Variants in GPR39 observed in about 807,000 individuals in gnomAD.
GPR39 encodes zinc sensing receptor.
A neutral mutation model predicts 18.4 loss-of-function variants in GPR39; 23 were observed. The ratio of observed to expected loss-of-function variants is 1.25; its 90% CI spans 0.90 to 1.77. The LOEUF (loss-of-function observed/expected upper bound fraction) is 1.77. GPR39 is among the 40% of genes most tolerant of loss of function. The pLI, the probability that GPR39 is intolerant of heterozygous loss-of-function variation, is 0.00. For missense variants in GPR39, 647 were observed against 602.4 expected (o/e 1.07, Z -0.78); for synonymous variants, 280 against 257.9 (o/e 1.09, Z -0.82).
chr2:132,560,816 T>C (rs1241768086), intron 1 of GPR39, among the ~76,000 whole-genome samples: 1 of 152,228 alleles, frequency 6.6e-6, no homozygotes, highest in Non-Finnish European at 1.5e-5. Flanking sequence ...TCTATGCTGT[T>C]GACTCAGGAA....
chr2:132,445,886 G>A (rs556118088), intron 1 of GPR39, among the ~76,000 whole-genome samples: 15 of 152,152 alleles, frequency 9.9e-5, no homozygotes, highest in African/African-American at 2.7e-4. Flanking sequence ...GGTCACCAGC[G>A]GGCTCAGGAG....
At chr2:132,548,540 G>T (rs553547924) in intron 1 of GPR39, among the ~76,000 whole-genome samples, 1 of 152,312 alleles carries the variant, frequency 6.6e-6, no homozygotes, top group African/African-American at 2.4e-5. Flanking sequence ...GCACCATTTA[G>T]AAAACAATCA....
chr2:132,535,695 C>CTTTTTTTTTTTTTTTTTT lies in GPR39; in HGVS notation c.857-109395_857-109394insTTTTTTTTTTTTTTTTTT, dbSNP rs753801511. On this transcript the variant is annotated intron_variant, in intron 1 of 1. Coordinates refer to ENST00000329321, the MANE Select transcript of GPR39 (RefSeq NM_001508.3). ...GGCTGTGAATCCATCTGGTCCTGGGCTTTTTTTTTTTGGTTGGTAGGCTAT... is the reference window on the plus strand; with the variant it reads ...GGCTGTGAATCCATCTGGTCCTGGGCTTTTTTTTTTTTTTTTTTTTTTTTTTTTTGGTTGGTAGGCTAT... Among the ~76,000 whole-genome samples, 326 of 96,282 alleles carry CTTTTTTTTTTTTTTTTTT rather than the reference C, an allele frequency of 3.4e-3. 29 individuals carry two copies. Among genetic ancestry groups the CTTTTTTTTTTTTTTTTTT allele is most frequent in the African/African-American group, 0.01 (260 of 25,184 alleles). 63.2% of individuals were successfully genotyped at this position (96,282 alleles called of 152,430 possible).
At chr2:132,613,832 T>G (rs905811734) in intron 1 of GPR39, among the ~76,000 whole-genome samples, 38 of 152,224 alleles carry the variant, frequency 2.5e-4, no homozygotes, top group African/African-American at 8.2e-4. Context: ...CACAAAGTCC[T>G]CAAGGGCAAA....
intron 1 of GPR39, among the ~76,000 whole-genome samples, chr2:132,419,420 C>G (rs911367108): frequency 6.6e-6 from 1 of 152,158 alleles, no homozygotes; most frequent in Non-Finnish European, 1.5e-5. Context: ...CTTTCACAGG[C>G]GTGTGGTGAA....
At chr2:132,571,470 A>G (rs775872892) in intron 1 of GPR39, among the ~76,000 whole-genome samples, 1 of 152,212 alleles carries the variant, frequency 6.6e-6, no homozygotes, top group Non-Finnish European at 1.5e-5. Context: ...ACCCATCTCA[A>G]GGTCCTAGAA....
chr2:132,492,572 CAT>C (rs543084794), intron 1 of GPR39, among the ~76,000 whole-genome samples: 11 of 125,932 alleles, frequency 8.7e-5, no homozygotes, highest in African/African-American at 1.5e-4. Context: ...CGATATATAC[CAT>C]ATATATACAC....
chr2:132,533,002 C>T (rs1308408389), intron 1 of GPR39, among the ~76,000 whole-genome samples: 1 of 152,036 alleles, frequency 6.6e-6, no homozygotes, highest in South Asian at 2.1e-4. Flanking sequence ...CCAGGGCAAT[C>T]AGGCAGGAGA....
intron 1 of GPR39, among the ~76,000 whole-genome samples, chr2:132,603,083 T>C (rs1681074400): frequency 6.6e-6 from 1 of 152,178 alleles, no homozygotes; most frequent in Non-Finnish European, 1.5e-5. Context: ...AGATCTGCAC[T>C]TCTGTGGTTA....
In GPR39 at chr2:132,634,845, A is replaced by G. The variant is rs115344449; in HGVS notation, c.857-10256A>G. On this transcript the variant is annotated intron_variant, in intron 1 of 1. Transcript: ENST00000329321. ...GGGTTTTCTGTGTCCTGTTATACCC[A>G]TTGACTTGCATATGTACTCTGTTTG... Among the ~76,000 whole-genome samples, 1,014 of 152,316 alleles carry G rather than the reference A, an allele frequency of 6.7e-3. 5 individuals are homozygous for G. The highest frequency in any genetic ancestry group is 0.01 in the Non-Finnish European group (704 of 68,024).
At chr2:132,623,091 G>A (rs1324751115) in intron 1 of GPR39, among the ~76,000 whole-genome samples, 1 of 152,142 alleles carries the variant, frequency 6.6e-6, no homozygotes, top group East Asian at 1.9e-4. Flanking sequence ...CAGCCTGGGT[G>A]ACAAAGCGAG....
Position 132,546,839 on chromosome 2 carries a change from C to CAAAAAAAAAA in GPR39, c.857-98245_857-98236dup, listed in dbSNP as rs60267293. 2.0e-3 allele frequency among the ~76,000 whole-genome samples: 69 copies of CAAAAAAAAAA among 33,964 alleles called. 6 individuals are homozygous for CAAAAAAAAAA. Among genetic ancestry groups the CAAAAAAAAAA allele is most frequent in the African/African-American group, 5.7e-3 (63 of 11,062 alleles). The allele number at this position is 33,964 out of a possible 152,430, so 22.3% of individuals were successfully genotyped here. The stretch of plus-strand genomic sequence containing the variant: ...TCTCCAGGATGCAGTAGCTCCACAG[C>CAAAAAAAAAA]AAAAAAAAAAAAAAAAAAAAAAAAA... On this transcript the variant is annotated intron_variant, in intron 1 of 1. Coordinates refer to ENST00000329321, the MANE Select transcript of GPR39 (RefSeq NM_001508.3).
At chr2:132,451,436 C>A (rs545967527) in intron 1 of GPR39, among the ~76,000 whole-genome samples, 60 of 152,132 alleles carry the variant, frequency 3.9e-4, no homozygotes, top group Admixed American at 7.2e-4. Context: ...TGCCTTGAGC[C>A]ATACCCAGTG....
chr2:132,586,373 G>C (rs762514264), intron 1 of GPR39, among the ~76,000 whole-genome samples: 101 of 152,120 alleles, frequency 6.6e-4, no homozygotes, highest in Non-Finnish European at 1.2e-3. Flanking sequence ...TGACAGGCGC[G>C]CTCCAGCTTC....
chr2:132,448,760 C>A (rs1680582165), intron 1 of GPR39, among the ~76,000 whole-genome samples: 1 of 152,214 alleles, frequency 6.6e-6, no homozygotes, highest in African/African-American at 2.4e-5. Context: ...TCTTCCATTT[C>A]ATGCTGACTG....
chr2:132,476,635 CAAAAAAAAAAAAAAAA>C (rs66464566), intron 1 of GPR39, among the ~76,000 whole-genome samples: 1 of 56,444 alleles, frequency 1.8e-5, no homozygotes, highest in African/African-American at 7.1e-5. Context: ...GACTCCATCT[CAAAAAAAAAAAAAAAA>C]AAAAAAAAAA....
chr2:132,471,577 A>G (rs895165718), intron 1 of GPR39, among the ~76,000 whole-genome samples: 3 of 151,984 alleles, frequency 2.0e-5, no homozygotes, highest in Non-Finnish European at 4.4e-5. Flanking sequence ...GCTGTTGGGA[A>G]CACAGTGTCA....
intron 1 of GPR39, among the ~76,000 whole-genome samples, chr2:132,520,236 A>T (rs550285569): frequency 6.6e-6 from 1 of 151,922 alleles, no homozygotes; most frequent in East Asian, 1.9e-4. Context: ...CCCCCACTCC[A>T]CTCCAAGCAA....
At chr2:132,594,761 G>A (rs1680907027) in intron 1 of GPR39, among the ~76,000 whole-genome samples, 1 of 151,686 alleles carries the variant, frequency 6.6e-6, no homozygotes, top group Non-Finnish European at 1.5e-5. Context: ...GTCAGTGTCT[G>A]GTTGGGTTTT....
Sources: allele counts gnomAD v4.1 joint callset (sites outside exome capture counted in the v4.1 genomes callset), GRCh38; gene constraint gnomAD v4.1.1; transcripts MANE v1.5; gene names NCBI Gene and HGNC (gene_info 2026-07-23, HGNC 2026-07-21).